The following CYP2C19 variants were observed in gnomAD, a reference collection of about 807,000 sequenced individuals.
CYP2C19 encodes the protein cytochrome P450 2C19.
CYP2C19 carries 59 observed loss-of-function variants against 40.9 expected under a neutral mutation model. The ratio of observed to expected loss-of-function variants is 1.44; its 90% CI spans 1.17 to 1.79. The LOEUF (loss-of-function observed/expected upper bound fraction) is 1.79. Among genes scored for constraint, CYP2C19 ranks in the 40% most tolerant of loss-of-function variants. The pLI is 0.00. For synonymous variants in CYP2C19, 253 were observed against 208.7 expected (o/e 1.21, Z -1.83); for missense variants, 754 against 596.9 (o/e 1.26, Z -2.74).
chr10:94,793,800 G>T (rs748650997), intron 5 of CYP2C19, among the ~76,000 whole-genome samples: 1 of 152,104 alleles, frequency 6.6e-6, no homozygotes, highest in South Asian at 2.1e-4. Context: ...TAGGCTACTC[G>T]GGAGCCAGGT....
chr10:94,852,738 C>A lies in CYP2C19; in HGVS notation c.1297C>A (p.Arg433=). The A allele has an allele frequency of 6.2e-7, 1 of 1,613,752 alleles. No individual in the cohort carries two copies. Among genetic ancestry groups the A allele is most frequent in the Non-Finnish European group, 8.5e-7 (1 of 1,179,860 alleles). Residue 433 remains arginine, a synonymous_variant, in exon 9 of 9, where the codon CGG becomes AGG. Transcript: ENST00000371321. ...NYFMPFSAGK[R]ICVGEGLARM... Reference sequence around the variant, plus strand: ...CCTATGTTTGTTATTTTCAGGAAAACGGATTTGTGTGGGAGAGGGCCTGGC... The same window carrying A: ...CCTATGTTTGTTATTTTCAGGAAAAAGGATTTGTGTGGGAGAGGGCCTGGC...
rs148879826 is a variant in CYP2C19 at position 94,789,438 on chromosome 10, G to A, written c.819+7441G>A. On this transcript the variant is annotated intron_variant, in intron 5 of 8. Transcript: ENST00000371321. ...CTTGCCCATGCCTATGTCCTGAATGGTATTGCGTAGGTTTTCTTCTAGGGT... is the reference window on the plus strand; with the variant it reads ...CTTGCCCATGCCTATGTCCTGAATGATATTGCGTAGGTTTTCTTCTAGGGT... Among the ~76,000 whole-genome samples, 1,443 of 152,088 alleles carry A rather than the reference G, an allele frequency of 9.5e-3. 15 individuals carry two copies. Among genetic ancestry groups the A allele is most frequent in the Non-Finnish European group, 0.012 (814 of 67,988 alleles).
chr10:94,817,814 C>A (rs1268616393), intron 5 of CYP2C19, among the ~76,000 whole-genome samples: 1 of 151,876 alleles, frequency 6.6e-6, no homozygotes, highest in Non-Finnish European at 1.5e-5. Flanking sequence ...GAGATCGAGA[C>A]CATCCTGGCT....
intron 1 of CYP2C19, among the ~76,000 whole-genome samples, chr10:94,767,222 G>A (rs1051541398): frequency 1.3e-5 from 2 of 152,066 alleles, no homozygotes; most frequent in Admixed American, 6.5e-5. Context: ...TTCCTTAAGT[G>A]CCTCTTGACT....
At chr10:94,849,247 GA>G (rs547007229) in intron 7 of CYP2C19, among the ~76,000 whole-genome samples, 283 of 152,306 alleles carry the variant, frequency 1.9e-3, no homozygotes, top group Non-Finnish European at 3.3e-3. Flanking sequence ...CAAGCTTGAT[GA>G]AAAGGACAGA....
intron 6 of CYP2C19, among the ~76,000 whole-genome samples, chr10:94,823,468 T>G (rs886195497): frequency 1.3e-5 from 2 of 152,178 alleles, no homozygotes; most frequent in Non-Finnish European, 2.9e-5. Context: ...ATTCAGCAGC[T>G]AGCGTTATCC....
chr10:94,826,061 C>G (rs1157100452), intron 6 of CYP2C19, among the ~76,000 whole-genome samples: 1 of 151,358 alleles, frequency 6.6e-6, no homozygotes, highest in Admixed American at 6.6e-5. Flanking sequence ...GTTACTGTAG[C>G]CTTGTAGTAT....
intron 5 of CYP2C19, among the ~76,000 whole-genome samples, chr10:94,785,942 C>T (rs1352036383): frequency 6.6e-6 from 1 of 152,062 alleles, no homozygotes; most frequent in African/African-American, 2.4e-5. Flanking sequence ...TCCCTGCCCA[C>T]TATGTAAATG....
intron 5 of CYP2C19, among the ~76,000 whole-genome samples, chr10:94,790,176 A>AT (rs1242982650): frequency 2.6e-5 from 4 of 152,104 alleles, no homozygotes; most frequent in Non-Finnish European, 5.9e-5. Context: ...AATGCTTATG[A>AT]TTTTTGCACC....
chr10:94,796,080 A>C (rs1451256859), intron 5 of CYP2C19, among the ~76,000 whole-genome samples: 1 of 152,128 alleles, frequency 6.6e-6, no homozygotes, highest in Non-Finnish European at 1.5e-5. Flanking sequence ...GCCCATGCCA[A>C]TGTCCTGAAT....
At chr10:94,838,826 G>C (rs984383610) in intron 6 of CYP2C19, among the ~76,000 whole-genome samples, 3 of 152,136 alleles carry the variant, frequency 2.0e-5, no homozygotes, top group African/African-American at 7.2e-5. Context: ...TCCTACAAAA[G>C]AGGTCTAGCT....
intron 6 of CYP2C19, among the ~76,000 whole-genome samples, chr10:94,824,824 A>G (rs1474987785): frequency 2.7e-5 from 3 of 110,844 alleles, no homozygotes; most frequent in Non-Finnish European, 5.2e-5. Flanking sequence ...ACCCCACATC[A>G]GTCCCCAGAG....
intron 5 of CYP2C19, among the ~76,000 whole-genome samples, chr10:94,784,175 CCTTACA>C (rs1261786829): frequency 1.6e-4 from 24 of 152,192 alleles, no homozygotes; most frequent in African/African-American, 5.3e-4. Flanking sequence ...ATTTCTGGGT[CCTTACA>C]CTTACAATGT....
chr10:94,817,814 C>T (rs1268616393), intron 5 of CYP2C19, among the ~76,000 whole-genome samples: 1 of 151,876 alleles, frequency 6.6e-6, no homozygotes, highest in Non-Finnish European at 1.5e-5. Flanking sequence ...GAGATCGAGA[C>T]CATCCTGGCT....
intron 7 of CYP2C19, among the ~76,000 whole-genome samples, chr10:94,845,065 A>G (rs899381585): frequency 6.6e-6 from 1 of 152,172 alleles, no homozygotes; most frequent in Non-Finnish European, 1.5e-5. Flanking sequence ...GCCTATAGAA[A>G]AGTGCAGCAC....
intron 5 of CYP2C19, among the ~76,000 whole-genome samples, chr10:94,786,443 A>T (rs1313928167): frequency 6.6e-6 from 1 of 152,046 alleles, no homozygotes; most frequent in Non-Finnish European, 1.5e-5. Flanking sequence ...TTTAGTTTGA[A>T]AGGCAAGTTT....
Position 94,781,794 on chromosome 10 carries a change from A to G in CYP2C19, c.643-27A>G, listed in dbSNP as rs201983413. Reference sequence around the variant, plus strand: ...TCTATACCTTTATTAAATGCTTTTAATTTAATAAATTATTGTTTTCTCTTA... The same window carrying G: ...TCTATACCTTTATTAAATGCTTTTAGTTTAATAAATTATTGTTTTCTCTTA... On this transcript the variant is annotated intron_variant, in intron 4 of 8. Transcript: ENST00000371321. 3.2e-4 allele frequency: 401 copies of G among 1,272,238 alleles called. 1 individual carries two copies. The highest frequency in any genetic ancestry group is 4.0e-4 in the Non-Finnish European group (381 of 960,646). The allele number at this position is 1,272,238 out of a possible 1,614,324, so 78.8% of individuals were successfully genotyped here.
chr10:94,809,047 A>G (rs1848876419), intron 5 of CYP2C19, among the ~76,000 whole-genome samples: 1 of 152,212 alleles, frequency 6.6e-6, no homozygotes, highest in Non-Finnish European at 1.5e-5. Flanking sequence ...TTAAATTTCC[A>G]CAAAAAATAT....
rs201306972 is a variant in CYP2C19, at chr10:94,775,107, G to C, written c.218G>C (p.Arg73Pro). 2.5e-6 allele frequency: 4 copies of C among 1,614,108 alleles called. No individual in the cohort carries two copies. Among genetic ancestry groups the C allele is most frequent in the Non-Finnish European group, 3.4e-6 (4 of 1,180,022 alleles). Residue 73 changes from arginine to proline, a missense_variant, in exon 2 of 9, where the codon CGC becomes CCC. Physicochemically the swap from Arg to Pro is moderately radical, Grantham distance 103 (BLOSUM62 -2). Transcript: ENST00000371321. ...PVFTLYFGLE[R>P]MVVLHGYEVV... is the part of the protein sequence containing the mutation. Reference sequence around the variant, plus strand: ...TTCACTCTGTATTTTGGCCTGGAACGCATGGTGGTGCTGCATGGATATGAA... The same window carrying C: ...TTCACTCTGTATTTTGGCCTGGAACCCATGGTGGTGCTGCATGGATATGAA...
Sources: allele counts gnomAD v4.1 joint callset (sites outside exome capture counted in the v4.1 genomes callset), GRCh38; gene constraint gnomAD v4.1.1; transcripts MANE v1.5; gene names NCBI Gene and HGNC (gene_info 2026-07-23, HGNC 2026-07-21).